The following ZNF592 variants were observed in gnomAD, a reference collection of about 807,000 sequenced individuals.
ZNF592 encodes zinc finger protein 592, also known as spinocerebellar ataxia, autosomal recessive 5.
Under a neutral mutation model 80.3 loss-of-function variants are expected in ZNF592, and 11 were observed. The observed-to-expected ratio is 0.14, with a 90% confidence interval of 0.09 to 0.23. ZNF592 has a LOEUF of 0.23. Ranked by LOEUF, ZNF592 falls within the 10% of genes least tolerant of loss-of-function variation. The probability of loss-of-function intolerance (pLI) is 1.00; values close to 1 mark genes in which losing one functional copy is unlikely to be tolerated. For synonymous variants in ZNF592, 646 were observed against 640.3 expected, an observed-to-expected ratio of 1.01 and a Z score of -0.13; for missense variants, 1,420 against 1,633.9, an observed-to-expected ratio of 0.87 and a Z score of 2.26.
intron 2 of ZNF592, among the ~76,000 whole-genome samples, chr15:84,769,465 C>A (rs1031654138): frequency 6.6e-6 from 1 of 150,884 alleles, no homozygotes; most frequent in African/African-American, 2.4e-5. Flanking sequence ...GGATTAAAGG[C>A]CTGAAGAAGT....
At chr15:84,768,193 C>T (rs1255329427) in intron 2 of ZNF592, among the ~76,000 whole-genome samples, 1 of 136,982 alleles carries the variant, frequency 7.3e-6, no homozygotes, top group Non-Finnish European at 1.7e-5. Flanking sequence ...TAGCCAGTAT[C>T]TTCTTATCTT....
rs35593752 is a variant in ZNF592 at position 84,773,214 on chromosome 15, G to GTT, written c.-149-4955_-149-4954dup. On this transcript the variant is annotated intron_variant, in intron 2 of 10. Transcript: ENST00000560079. ...TTTTAACAAGTCACCACCCACCAGG[G>GTT]TTTTTTTTTTTTTTTGAGACGGAGT... Among the ~76,000 whole-genome samples, 129 of 139,040 alleles carry GTT rather than the reference G, an allele frequency of 9.3e-4. 2 individuals carry two copies. The highest frequency in any genetic ancestry group is 1.9e-3 in the Admixed American group (26 of 13,842). 91.2% of individuals were successfully genotyped at this position (139,040 alleles called of 152,430 possible).
intron 3 of ZNF592, among the ~76,000 whole-genome samples, chr15:84,778,518 G>A (rs1301444985): frequency 6.6e-6 from 1 of 152,242 alleles, no homozygotes; most frequent in Non-Finnish European, 1.5e-5. Context: ...TGTAGGGAAA[G>A]GGCAAGAAGG....
intron 2 of ZNF592, among the ~76,000 whole-genome samples, chr15:84,766,026 T>G (rs1297764272): frequency 1.3e-5 from 2 of 151,874 alleles, no homozygotes; most frequent in Admixed American, 1.3e-4. Context: ...TATGTTTTGT[T>G]TTTTTGAGAC....
At chr15:84,776,789 C>T (rs772319794) in intron 2 of ZNF592, among the ~76,000 whole-genome samples, 27 of 151,476 alleles carry the variant, frequency 1.8e-4, no homozygotes, top group Middle Eastern at 3.5e-3. Context: ...TGGTAGCTCA[C>T]GCCTGTAATC....
At chr15:84,780,706 C>A (rs971927000) in intron 3 of ZNF592, among the ~76,000 whole-genome samples, 1 of 152,114 alleles carries the variant, frequency 6.6e-6, no homozygotes, top group South Asian at 2.1e-4. Flanking sequence ...ACCTGTTGAT[C>A]CCACGGGGTG....
chr15:84,802,499 C>T lies in ZNF592; in HGVS notation c.*106C>T, dbSNP rs577203186. On this transcript the variant is annotated 3_prime_UTR_variant, in exon 11 of 11. Transcript: ENST00000560079. Reference sequence around the variant, plus strand: ...GCTCTGCCCCCAGTGTGAGTGTGACCGGTTGTACCCTGGAGTAGTGTCTGC... The same window carrying T: ...GCTCTGCCCCCAGTGTGAGTGTGACTGGTTGTACCCTGGAGTAGTGTCTGC... 140 of 1,356,116 alleles carry T rather than the reference C, an allele frequency of 1.0e-4. No individual in the cohort carries two copies. The African/African-American group carries it at 1.2e-3, about 11-fold the overall frequency. 84.0% of individuals were successfully genotyped at this position (1,356,116 alleles called of 1,614,324 possible). A position where few individuals can be genotyped will look rare whatever the true frequency, so the allele number is the denominator to read the frequency against.
chr15:84,756,832 C>G (rs1363624529), intron 1 of ZNF592, among the ~76,000 whole-genome samples: 1 of 151,738 alleles, frequency 6.6e-6, no homozygotes, highest in African/African-American at 2.4e-5. Context: ...TTTTTTTTTG[C>G]TAGGCACAGT....
intron 5 of ZNF592, among the ~76,000 whole-genome samples, chr15:84,796,697 T>G (rs1299077783): frequency 6.6e-6 from 1 of 150,794 alleles, no homozygotes; most frequent in African/African-American, 2.4e-5. Flanking sequence ...TTTATCTTAT[T>G]TATGCATTGT....
At chr15:84,782,333 T>C (rs1279362474) in intron 3 of ZNF592, among the ~76,000 whole-genome samples, 1 of 152,176 alleles carries the variant, frequency 6.6e-6, no homozygotes, top group African/African-American at 2.4e-5. Context: ...AGGGATGATA[T>C]TCCCTGAGAA....
chr15:84,797,786 C>G, intron 5 of ZNF592, 83 bp from the exon 6 acceptor site: 1 of 1,508,656 alleles, frequency 6.6e-7, no homozygotes, highest in Non-Finnish European at 9.2e-7. Flanking sequence ...TTCCTCTTCT[C>G]CATCCCTCCT....
chr15:84,786,136 T>C (rs1962580219), intron 4 of ZNF592, among the ~76,000 whole-genome samples: 2 of 152,180 alleles, frequency 1.3e-5, no homozygotes, highest in African/African-American at 4.8e-5. Flanking sequence ...GAGTGCCCAC[T>C]GTGCATGGGC....
At chr15:84,757,700 C>T (rs545377896) in intron 1 of ZNF592, among the ~76,000 whole-genome samples, 4 of 151,260 alleles carry the variant, frequency 2.6e-5, no homozygotes, top group Non-Finnish European at 5.9e-5. Flanking sequence ...ACTCTGTCCC[C>T]CAGGCTAGAG....
chr15:84,802,467 A>G lies in ZNF592; in HGVS notation c.*74A>G. 6.4e-7 allele frequency: 1 copy of G among 1,550,524 alleles called. No homozygotes were observed. Among genetic ancestry groups the G allele is most frequent in the Non-Finnish European group, 8.8e-7 (1 of 1,136,202 alleles). ...CCACCTGCCCTGCGGACCGTGGAAA[A>G]TAAAAGGCTCTGCCCCCAGTGTGAG... On this transcript the variant is annotated 3_prime_UTR_variant, in exon 11 of 11. Transcript: ENST00000560079.
Position 84,778,238 on chromosome 15 carries a change from C to A in ZNF592, c.-94C>A. On this transcript the variant is annotated 5_prime_UTR_variant, in exon 3 of 11. Coordinates refer to ENST00000560079, the MANE Select transcript of ZNF592 (RefSeq NM_014630.3). ...GGAGAAGACAGAAGGAAGACGCTCC[C>A]CCGTACGGAGACAGAGGGAGGGGGG... The A allele has an allele frequency of 4.1e-6, 1 of 246,036 alleles. No individual in the cohort carries two copies. The highest frequency in any genetic ancestry group is 8.0e-6 in the Non-Finnish European group (1 of 125,460). 15.2% of individuals were successfully genotyped at this position (246,036 alleles called of 1,614,324 possible).
rs1398724714 is a variant in ZNF592, at chr15:84,803,233, C to T, written c.*840C>T. 2.6e-5 allele frequency: 4 copies of T among 152,574 alleles called. No homozygotes were observed. Among genetic ancestry groups the T allele is most frequent in the African/African-American group, 7.2e-5 (3 of 41,412 alleles). 9.5% of individuals were successfully genotyped at this position (152,574 alleles called of 1,614,324 possible). On this transcript the variant is annotated 3_prime_UTR_variant, in exon 11 of 11. Transcript: ENST00000560079. Reference sequence around the variant, plus strand: ...GGCTGCTGCCCCAGGCAGGCCAGCCCCTACTCCTCTTGGCTACACTCATGT... The same window carrying T: ...GGCTGCTGCCCCAGGCAGGCCAGCCTCTACTCCTCTTGGCTACACTCATGT...
chr15:84,779,809 A>G (rs1962366955), intron 3 of ZNF592, among the ~76,000 whole-genome samples: 1 of 151,962 alleles, frequency 6.6e-6, no homozygotes, highest in South Asian at 2.1e-4. Flanking sequence ...TTCTGATCTA[A>G]TCTTTCTCTG....
intron 1 of ZNF592, among the ~76,000 whole-genome samples, chr15:84,751,366 A>G (rs972083471): frequency 2.0e-5 from 3 of 152,232 alleles, no homozygotes; most frequent in African/African-American, 7.2e-5. Flanking sequence ...GTCTGCCTGA[A>G]TTCAGAGCCC....
chr15:84,750,807 C>G, intron 1 of ZNF592, among the ~76,000 whole-genome samples: 1 of 151,896 alleles, frequency 6.6e-6, no homozygotes, highest in East Asian at 1.9e-4. Flanking sequence ...GTGAAAGAGG[C>G]CTGTGGGGCT....
Sources: gnomAD v4.1 joint callset for allele counts (sites outside exome capture counted in the v4.1 genomes callset) on GRCh38, gnomAD v4.1.1 for gene constraint, MANE v1.5 for transcripts, NCBI Gene and HGNC (gene_info 2026-07-23, HGNC 2026-07-21) for gene names.